The following DDX4 variants were observed in gnomAD, a reference collection of about 807,000 sequenced individuals.
DDX4 encodes the protein DEAD-box helicase 4.
In DDX4, 25 loss-of-function variants were observed where a neutral mutation model predicts 100.0. The ratio of observed to expected loss-of-function variants is 0.25; its 90% confidence interval spans 0.18 to 0.35. The LOEUF is 0.35. DDX4 is among the 10% of genes least tolerant of loss of function. The pLI is 1.00. For synonymous variants in DDX4, 259 were observed against 275.7 expected (o/e 0.94, Z 0.60); for missense variants, 635 against 882.4 (o/e 0.72, Z 3.55).
rs565507569 is a variant in DDX4, at chr5:55,803,459, A to G, written c.1615+4888A>G. Among the ~76,000 whole-genome samples, 24 of 131,528 alleles carry G rather than the reference A, an allele frequency of 1.8e-4. No homozygotes were observed. The East Asian group carries it at 2.8e-3, about 15-fold the overall frequency. 86.3% of individuals were successfully genotyped at this position (131,528 alleles called of 152,430 possible). On this transcript the variant is annotated intron_variant, in intron 18 of 21. Coordinates refer to ENST00000505374, the MANE Select transcript of DDX4 (RefSeq NM_024415.3). ...CATCTAGCATTAGGTATATCTCCCAATGCTATCCCTCCCCCCTCCCCCCAC... is the reference window on the plus strand; with the variant it reads ...CATCTAGCATTAGGTATATCTCCCAGTGCTATCCCTCCCCCCTCCCCCCAC...
intron 17 of DDX4, among the ~76,000 whole-genome samples, chr5:55,794,364 T>TG (rs2112074908): frequency 6.6e-6 from 1 of 151,196 alleles, no homozygotes; most frequent in South Asian, 2.1e-4. Context: ...ATTTTTTTTT[T>TG]TTTTTTTGTA....
chr5:55,739,952 A>T (rs1758887591), intron 2 of DDX4, among the ~76,000 whole-genome samples: 1 of 151,970 alleles, frequency 6.6e-6, no homozygotes, highest in African/African-American at 2.4e-5. Context: ...TATTGCCCAG[A>T]CTGGTTTCCA....
intron 3 of DDX4, among the ~76,000 whole-genome samples, chr5:55,758,928 TCC>T (rs1760115968): frequency 1.4e-5 from 2 of 143,288 alleles, no homozygotes; most frequent in Non-Finnish European, 3.0e-5. Context: ...TCTTTCTGTT[TCC>T]CAGGCTGGAG....
chr5:55,752,827 A>G (rs1014753409), intron 3 of DDX4, among the ~76,000 whole-genome samples: 4 of 146,860 alleles, frequency 2.7e-5, no homozygotes, highest in Non-Finnish European at 6.0e-5. Flanking sequence ...CTATTTCTCC[A>G]CATCCTCTCC....
chr5:55,796,958 C>G (rs534044588), intron 17 of DDX4, among the ~76,000 whole-genome samples: 2 of 151,104 alleles, frequency 1.3e-5, no homozygotes, highest in African/African-American at 4.9e-5. Context: ...CCTAGGCCCA[C>G]CTCAGCCTCC....
intron 17 of DDX4, among the ~76,000 whole-genome samples, chr5:55,797,097 G>A (rs1743012969): frequency 6.6e-6 from 1 of 151,908 alleles, no homozygotes; most frequent in South Asian, 2.1e-4. Flanking sequence ...ACATGCCTTG[G>A]CCTTCCAAAG....
rs2112061866 is a variant in DDX4, at chr5:55,792,624, T to C, written c.1303-17T>C. On this transcript the variant is annotated splice_polypyrimidine_tract_variant and intron_variant, in intron 16 of 21. Coordinates refer to ENST00000505374, the MANE Select transcript of DDX4 (RefSeq NM_024415.3). ...TAATATGCATTTTCTGTTTTACCTT[T>C]GAAAATATCCTTAAAGATTGGTCTC... 2 of 1,417,132 alleles carry C rather than the reference T, an allele frequency of 1.4e-6. No homozygotes were observed. Among genetic ancestry groups the C allele is most frequent in the Middle Eastern group, 3.7e-4 (2 of 5,410 alleles). 87.8% of individuals were successfully genotyped at this position (1,417,132 alleles called of 1,614,324 possible).
chr5:55,767,207 A>G (rs1740977345), intron 6 of DDX4, among the ~76,000 whole-genome samples: 1 of 152,220 alleles, frequency 6.6e-6, no homozygotes, highest in Non-Finnish European at 1.5e-5. Flanking sequence ...TGGGAGGCCA[A>G]GGTGGGCGAA....
intron 19 of DDX4, 129 bp from the exon 20 acceptor site, chr5:55,814,772 G>A: frequency 2.0e-6 from 2 of 985,698 alleles, no homozygotes; most frequent in Non-Finnish European, 3.0e-6. Flanking sequence ...TTACAGGTGT[G>A]AGCCACTGCG....
At chr5:55,772,858 C>CTT (rs561150893) in intron 7 of DDX4, among the ~76,000 whole-genome samples, 5 of 151,990 alleles carry the variant, frequency 3.3e-5, no homozygotes, top group Non-Finnish European at 7.4e-5. Context: ...CCAAATAAAC[C>CTT]TTTTTTTTCA....
intron 7 of DDX4, among the ~76,000 whole-genome samples, chr5:55,773,577 TA>T (rs1741381787): frequency 1.3e-5 from 2 of 151,314 alleles, no homozygotes; most frequent in South Asian, 4.2e-4. Flanking sequence ...GGTGTTTTTT[TA>T]ATTATAGCCA....
At chr5:55,815,244 G>A in intron 20 of DDX4, 69 bp from the exon 21 acceptor site, 4 of 1,595,992 alleles carry the variant, frequency 2.5e-6, no homozygotes, top group Non-Finnish European at 3.4e-6. Flanking sequence ...TTATGCATGT[G>A]TATATAACAA....
chr5:55,762,360 G>A (rs1740617686), intron 4 of DDX4, among the ~76,000 whole-genome samples: 2 of 151,978 alleles, frequency 1.3e-5, no homozygotes, highest in African/African-American at 4.8e-5. Context: ...AGAAACACAT[G>A]GAAAGAAATA....
At position 55,792,641 on chromosome 5, in the gene DDX4, A is replaced by T; in HGVS notation, c.1303A>T (p.Ile435Phe). 6.6e-7 allele frequency: 1 copy of T among 1,512,356 alleles called. No homozygotes were observed. Among genetic ancestry groups the T allele is most frequent in the Non-Finnish European group, 8.9e-7 (1 of 1,119,362 alleles). The allele number at this position is 1,512,356 out of a possible 1,614,324, so 93.7% of individuals were successfully genotyped here. A position where few individuals can be genotyped will look rare whatever the true frequency, so the allele number is the denominator to read the frequency against. ...TTTACCTTTGAAAATATCCTTAAAG[A>T]TTGGTCTCAAACAGATCAAATACTT... ...RLMDIIGKEK[I>F]GLKQIKYLVL... is the part of the protein sequence containing the mutation. Residue 435 changes from isoleucine (I) to phenylalanine (F), a missense_variant and splice_region_variant, in exon 17 of 22, where the codon ATT becomes TTT. Physicochemically the swap from Ile to Phe is conservative, Grantham distance 21. Around this residue, in one of 4 missense-constraint regions of DDX4, gnomAD observed 446 missense variants for 540.8 expected, o/e 0.82. Coordinates refer to ENST00000505374, the MANE Select transcript of DDX4 (RefSeq NM_024415.3).
In DDX4 at chr5:55,816,715, TACAACA is replaced by T; in HGVS notation, c.*176_*181del. 9.1e-7 allele frequency: 1 copy of T among 1,096,628 alleles called. No individual in the cohort carries two copies. The highest frequency in any genetic ancestry group is 1.2e-6 in the Non-Finnish European group (1 of 802,582). The allele number at this position is 1,096,628 out of a possible 1,614,324, so 67.9% of individuals were successfully genotyped here. On this transcript the variant is annotated 3_prime_UTR_variant, in exon 22 of 22. Coordinates refer to ENST00000505374, the MANE Select transcript of DDX4 (RefSeq NM_024415.3). The stretch of plus-strand genomic sequence containing the variant: ...ACTAGTTATGTGAGATGCTAAAACT[TACAACA>T]TTGCAGTTACTGATACAAATGGTGT...
At chr5:55,740,542 A>G (rs1253413870) in intron 2 of DDX4, among the ~76,000 whole-genome samples, 5 of 140,916 alleles carry the variant, frequency 3.5e-5, no homozygotes, top group African/African-American at 5.4e-5. Context: ...GTCTCACTCT[A>G]TTGCCCAGGC....
At chr5:55,749,601 G>A (rs1247426146) in intron 3 of DDX4, among the ~76,000 whole-genome samples, 1 of 152,128 alleles carries the variant, frequency 6.6e-6, no homozygotes, top group Non-Finnish European at 1.5e-5. Context: ...TCTAGTCTCT[G>A]AGATTTAAGT....
chr5:55,806,816 A>G (rs983772765), intron 18 of DDX4, among the ~76,000 whole-genome samples: 2 of 152,138 alleles, frequency 1.3e-5, no homozygotes, highest in Non-Finnish European at 2.9e-5. Flanking sequence ...TTTGGGTTGG[A>G]GAGTTCTATA....
intron 3 of DDX4, among the ~76,000 whole-genome samples, chr5:55,753,282 T>C (rs1170324836): frequency 2.0e-5 from 3 of 152,228 alleles, no homozygotes; most frequent in Non-Finnish European, 4.4e-5. Context: ...CTAGATTTTC[T>C]TCTAGGGTTT....
Sources: allele counts gnomAD v4.1 joint callset (sites outside exome capture counted in the v4.1 genomes callset), GRCh38; gene constraint gnomAD v4.1.1; regional missense constraint gnomAD v4.1.1; transcripts MANE v1.5; gene names NCBI Gene and HGNC (gene_info 2026-07-23, HGNC 2026-07-21).